The following LGR4 variants were observed in gnomAD, a reference collection of about 807,000 sequenced individuals.
LGR4 encodes the protein leucine-rich repeat-containing G protein-coupled receptor 4.
LGR4 carries 44 observed loss-of-function variants against 84.8 expected under a neutral mutation model. The observed-to-expected ratio is 0.52, with a 90% CI of 0.41 to 0.67. The LOEUF is 0.67. LGR4 is among the 30% of genes least tolerant of loss of function. The pLI, the probability that LGR4 is intolerant of heterozygous loss-of-function variation, is 0.00. For missense variants in LGR4, 1,032 were observed against 1,131.4 expected, an observed-to-expected ratio of 0.91 and a Z score of 1.26; for synonymous variants, 429 against 434.3, an observed-to-expected ratio of 0.99 and a Z score of 0.15.
intron 1 of LGR4, among the ~76,000 whole-genome samples, chr11:27,433,264 G>A (rs909615703): frequency 6.6e-6 from 1 of 152,130 alleles, no homozygotes; most frequent in Non-Finnish European, 1.5e-5. Context: ...CCAGGCTGGA[G>A]TGCAGTGGCG....
chr11:27,371,655 T>C lies in LGR4; in HGVS notation c.1539A>G (p.Glu513=). ...AANVTSTLEN[E]EHSQIIIHCT... is the part of the protein sequence containing the mutation. ...AATGGATAATTATTTGACTATGTTC[T>C]TCATTTTCAAGAGTGCTTGTGACAT... Residue 513 remains glutamate, a synonymous_variant, in exon 17 of 18, where the codon GAA becomes GAG. Coordinates refer to ENST00000379214, the MANE Select transcript of LGR4 (RefSeq NM_018490.5). 1.2e-6 allele frequency: 2 copies of C among 1,613,466 alleles called. No individual in the cohort carries two copies. Among genetic ancestry groups the C allele is most frequent in the Non-Finnish European group, 1.7e-6 (2 of 1,179,596 alleles).
chr11:27,377,285 G>T, intron 11 of LGR4, 62 bp from the exon 12 acceptor site: 1 of 862,392 alleles, frequency 1.2e-6, no homozygotes, highest in South Asian at 1.6e-5. Flanking sequence ...TTAAAAGAGT[G>T]GTACTCAGAA....
At chr11:27,451,840 A>G (rs1463572102) in intron 1 of LGR4, among the ~76,000 whole-genome samples, 1 of 152,236 alleles carries the variant, frequency 6.6e-6, no homozygotes, top group Non-Finnish European at 1.5e-5. Context: ...GTAATAAAAT[A>G]CTTTCATAAT....
At chr11:27,402,226 C>A (rs1257849156) in intron 2 of LGR4, among the ~76,000 whole-genome samples, 1 of 152,104 alleles carries the variant, frequency 6.6e-6, no homozygotes, top group African/African-American at 2.4e-5. Flanking sequence ...AGACCTGTGA[C>A]CCCAGCTCTG....
chr11:27,410,130 C>T (rs77288452), intron 2 of LGR4, among the ~76,000 whole-genome samples: 3,071 of 152,208 alleles, frequency 0.02, 99 homozygotes, highest in African/African-American at 0.071. Flanking sequence ...TAAATCTAAA[C>T]ATAATAGCCA....
chr11:27,450,470 T>C (rs1271975846), intron 1 of LGR4, among the ~76,000 whole-genome samples: 3 of 152,128 alleles, frequency 2.0e-5, no homozygotes, highest in Non-Finnish European at 4.4e-5. Context: ...TGTTGCTGTA[T>C]AATAAAAAAT....
intron 1 of LGR4, among the ~76,000 whole-genome samples, chr11:27,467,568 A>G (rs1864802242): frequency 1.0e-5 from 1 of 99,634 alleles, no homozygotes; most frequent in Admixed American, 9.2e-5. Flanking sequence ...GTCCGTCTCA[A>G]AAAAAAAAAA....
chr11:27,424,750 CTGTT>C (rs1262019143), intron 1 of LGR4, among the ~76,000 whole-genome samples: 32 of 152,184 alleles, frequency 2.1e-4, no homozygotes, highest in Middle Eastern at 3.4e-3. Context: ...GGTTTTTTGT[CTGTT>C]TGTTTGTTTT....
At chr11:27,424,680 G>A (rs1013626184) in intron 1 of LGR4, among the ~76,000 whole-genome samples, 1 of 152,142 alleles carries the variant, frequency 6.6e-6, no homozygotes, top group East Asian at 1.9e-4. Flanking sequence ...AAGCCCCATC[G>A]CCGTGGATGC....
chr11:27,419,448 C>T lies in LGR4; in HGVS notation c.186-6588G>A, dbSNP rs563859956. Among the ~76,000 whole-genome samples, 3 of 151,822 alleles carry T rather than the reference C, an allele frequency of 2.0e-5. No homozygotes were observed. In the South Asian group the frequency reaches 6.2e-4, roughly 32 times the overall value. On this transcript the variant is annotated intron_variant, in intron 1 of 17. Transcript: ENST00000379214. ...ATAAAGATGTGGAACAACTGGAACT[C>T]TCATATGCTGTTGGCAACAAGCAAG...
At position 27,423,071 on chromosome 11, in the gene LGR4, T is replaced by C. The variant is rs78589722; in HGVS notation, c.186-10211A>G. On this transcript the variant is annotated intron_variant, in intron 1 of 17. Transcript: ENST00000379214. ...GATAAAACCATCCCTAGATAACATATTGATTTTAAGATTAAAAAAACAAAA... is the reference window on the plus strand; with the variant it reads ...GATAAAACCATCCCTAGATAACATACTGATTTTAAGATTAAAAAAACAAAA... Among the ~76,000 whole-genome samples the C allele has an allele frequency of 8.5e-5, 13 of 152,220 alleles. No individual in the cohort carries two copies. In the East Asian group the frequency reaches 9.6e-4, roughly 11 times the overall value.
At chr11:27,459,510 T>C (rs1864641040) in intron 1 of LGR4, among the ~76,000 whole-genome samples, 1 of 151,350 alleles carries the variant, frequency 6.6e-6, no homozygotes, top group South Asian at 2.1e-4. Flanking sequence ...AGAGTCTTGC[T>C]CCGTCACCCA....
At chr11:27,444,065 C>A (rs1451872882) in intron 1 of LGR4, among the ~76,000 whole-genome samples, 2 of 150,320 alleles carry the variant, frequency 1.3e-5, no homozygotes, top group Non-Finnish European at 3.0e-5. Flanking sequence ...TTCAATGAGG[C>A]ATTACACGCC....
intron 1 of LGR4, among the ~76,000 whole-genome samples, chr11:27,423,032 T>A (rs1863951364): frequency 6.6e-6 from 1 of 152,128 alleles, no homozygotes; most frequent in Non-Finnish European, 1.5e-5. Context: ...GCATAAAATG[T>A]TTATACATAA....
At chr11:27,390,833 C>T (rs1863270744) in intron 4 of LGR4, among the ~76,000 whole-genome samples, 1 of 152,094 alleles carries the variant, frequency 6.6e-6, no homozygotes, top group African/African-American at 2.4e-5. Context: ...ATGCTGATCA[C>T]CAGCAGTGCA....
intron 1 of LGR4, among the ~76,000 whole-genome samples, chr11:27,466,277 T>A (rs1189837604): frequency 1.3e-5 from 2 of 152,210 alleles, no homozygotes; most frequent in Non-Finnish European, 2.9e-5. Context: ...CAGGAGACAG[T>A]CTTAAAAATA....
intron 1 of LGR4, among the ~76,000 whole-genome samples, chr11:27,449,974 C>T (rs1277690696): frequency 6.6e-6 from 1 of 152,130 alleles, no homozygotes; most frequent in African/African-American, 2.4e-5. Flanking sequence ...GGCAAAAATG[C>T]CTTGTTCAAC....
chr11:27,466,036 G>A (rs777938158), intron 1 of LGR4, among the ~76,000 whole-genome samples: 3 of 152,150 alleles, frequency 2.0e-5, no homozygotes, highest in Non-Finnish European at 2.9e-5. Context: ...CTTGAAGGCC[G>A]CACGGGACGG....
At chr11:27,437,717 T>C (rs1426530934) in intron 1 of LGR4, among the ~76,000 whole-genome samples, 1 of 143,750 alleles carries the variant, frequency 7.0e-6, no homozygotes, top group East Asian at 2.2e-4. Flanking sequence ...AAAGAAATCA[T>C]AAAGCTAGGC....
Sources: gnomAD v4.1 joint callset for allele counts (sites outside exome capture counted in the v4.1 genomes callset) on GRCh38, gnomAD v4.1.1 for gene constraint, MANE v1.5 for transcripts, NCBI Gene and HGNC (gene_info 2026-07-23, HGNC 2026-07-21) for gene names.